SPSB4: variants seen among roughly 807,000 people sequenced by gnomAD.
SPSB4 encodes SPRY domain-containing SOCS box protein 4.
In SPSB4, 21 loss-of-function variants were observed where a neutral mutation model predicts 20.9. That is an observed-to-expected ratio of 1.01 (90% CI 0.71 to 1.45). The LOEUF (loss-of-function observed/expected upper bound fraction) is 1.45. Among genes scored for constraint, SPSB4 ranks in the 40% most tolerant of loss-of-function variants. The probability of loss-of-function intolerance (pLI) is 0.00; values close to 1 mark genes in which losing one functional copy is unlikely to be tolerated. For missense variants in SPSB4, 399 were observed against 399.2 expected (o/e 1.00, Z 0.00); for synonymous variants, 207 against 183.8 (o/e 1.13, Z -1.02).
chr3:141,123,739 C>A (rs1355515900), intron 2 of SPSB4, among the ~76,000 whole-genome samples: 2 of 152,210 alleles, frequency 1.3e-5, no homozygotes, highest in Non-Finnish European at 2.9e-5. Flanking sequence ...CTGGGTTGTT[C>A]CAGTGCTGCA....
chr3:141,143,097 T>C (rs961557922), intron 2 of SPSB4, among the ~76,000 whole-genome samples: 6 of 152,174 alleles, frequency 3.9e-5, no homozygotes, highest in African/African-American at 7.2e-5. Flanking sequence ...ATTACAGGTC[T>C]GAGCCACCAC....
Position 141,089,662 on chromosome 3 carries a change from G to C in SPSB4, c.694+22864G>C, listed in dbSNP as rs140967667. Among the ~76,000 whole-genome samples the C allele has an allele frequency of 1.7e-4, 26 of 152,338 alleles. No individual in the cohort carries two copies. In the East Asian group the frequency reaches 5.0e-3, roughly 29 times the overall value. The stretch of plus-strand genomic sequence containing the variant: ...TGAAGCATTTTATCAGATTTTCGCA[G>C]CCAGGCCTGTGCCAGCAGCCTCAGG... On this transcript the variant is annotated intron_variant, in intron 2 of 2. Coordinates refer to ENST00000310546, the MANE Select transcript of SPSB4 (RefSeq NM_080862.3).
chr3:141,140,714 G>T (rs562698805), intron 2 of SPSB4, among the ~76,000 whole-genome samples: 27 of 152,286 alleles, frequency 1.8e-4, no homozygotes, highest in African/African-American at 6.5e-4. Context: ...AGGAGTACCC[G>T]GCCGTGTGAG....
intron 2 of SPSB4, among the ~76,000 whole-genome samples, chr3:141,131,984 G>C (rs1020601960): frequency 1.3e-4 from 20 of 151,996 alleles, no homozygotes; most frequent in African/African-American, 4.6e-4. Flanking sequence ...TTTCATTTTA[G>C]TCATTCTTTT....
intron 1 of SPSB4, among the ~76,000 whole-genome samples, chr3:141,052,452 T>C (rs1159118958): frequency 6.6e-6 from 1 of 152,208 alleles, no homozygotes; most frequent in African/African-American, 2.4e-5. Context: ...CTCAATCATA[T>C]GTTAGCTAGT....
Position 141,066,813 on chromosome 3 carries a change from G to A in SPSB4, c.694+15G>A, listed in dbSNP as rs1415609901. 1.3e-6 allele frequency: 2 copies of A among 1,515,626 alleles called. No individual in the cohort carries two copies. The highest frequency in any genetic ancestry group is 1.8e-6 in the Non-Finnish European group (2 of 1,128,280). The allele number at this position is 1,515,626 out of a possible 1,614,324, so 93.9% of individuals were successfully genotyped here. On this transcript the variant is annotated intron_variant, in intron 2 of 2. Transcript: ENST00000310546. ...CGGCCTTGACCGTAAGTTGTGCTGGGCTGGGGGGCAGGGCTTTCAGAGGCT... is the reference window on the plus strand; with the variant it reads ...CGGCCTTGACCGTAAGTTGTGCTGGACTGGGGGGCAGGGCTTTCAGAGGCT...
chr3:141,052,449 ATATGTTAGCTAGTAT>A (rs1159697032), intron 1 of SPSB4, among the ~76,000 whole-genome samples: 1 of 152,144 alleles, frequency 6.6e-6, no homozygotes, highest in African/African-American at 2.4e-5. Context: ...ACACTCAATC[ATATGTTAGCTAGTAT>A]TATTATTAGC....
chr3:141,114,390 T>G (rs1938853006), intron 2 of SPSB4, among the ~76,000 whole-genome samples: 1 of 152,150 alleles, frequency 6.6e-6, no homozygotes, highest in South Asian at 2.1e-4. Flanking sequence ...TGGAACTAAC[T>G]CCTATGGGTA....
chr3:141,146,406 C>T (rs574517089), intron 2 of SPSB4, among the ~76,000 whole-genome samples: 4 of 152,258 alleles, frequency 2.6e-5, no homozygotes, highest in African/African-American at 9.6e-5. Flanking sequence ...AGAGGAAACC[C>T]CTCTGCAGAT....
Position 141,079,987 on chromosome 3 carries a change from T to A in SPSB4, c.694+13189T>A, listed in dbSNP as rs139048794. On this transcript the variant is annotated intron_variant, in intron 2 of 2. Coordinates refer to ENST00000310546, the MANE Select transcript of SPSB4 (RefSeq NM_080862.3). ...AGGGAGACACCAACATGTCTTTCCA[T>A]CTTTTAGACTTCAGTCATTCCACTA... Among the ~76,000 whole-genome samples the A allele has an allele frequency of 4.6e-4, 70 of 152,302 alleles. 3 individuals are homozygous for A. In the East Asian group the frequency reaches 0.014, roughly 29 times the overall value.
Position 141,147,307 on chromosome 3 carries a change from C to A in SPSB4, c.*38C>A, listed in dbSNP as rs368867536. On this transcript the variant is annotated 3_prime_UTR_variant, in exon 3 of 3. Transcript: ENST00000310546. ...GGGCAGCACAGACACAGACACACAC[C>A]GCAGGGCCCGACCCTCCTGTCATTC... is the stretch of plus-strand genomic sequence containing the variant. 6.2e-7 allele frequency: 1 copy of A among 1,611,388 alleles called. No homozygotes were observed. Among genetic ancestry groups the A allele is most frequent in the South Asian group, 1.1e-5 (1 of 90,846 alleles).
intron 2 of SPSB4, among the ~76,000 whole-genome samples, chr3:141,142,237 G>A (rs956138042): frequency 6.6e-6 from 1 of 152,164 alleles, no homozygotes; most frequent in East Asian, 1.9e-4. Flanking sequence ...TTTGTAAGTT[G>A]TGTCACTATT....
intron 2 of SPSB4, among the ~76,000 whole-genome samples, chr3:141,070,950 T>G (rs1035580451): frequency 6.6e-6 from 1 of 152,246 alleles, no homozygotes; most frequent in Non-Finnish European, 1.5e-5. Context: ...GGCCAGGTCC[T>G]TGCCTTCAGC....
chr3:141,126,836 T>C (rs1939056533), intron 2 of SPSB4, among the ~76,000 whole-genome samples: 1 of 152,210 alleles, frequency 6.6e-6, no homozygotes, highest in African/African-American at 2.4e-5. Context: ...TGGATCTGCC[T>C]CTGCTTTTGA....
intron 2 of SPSB4, among the ~76,000 whole-genome samples, chr3:141,097,044 C>T (rs779993274): frequency 1.1e-4 from 17 of 152,202 alleles, no homozygotes; most frequent in Non-Finnish European, 2.1e-4. Flanking sequence ...ATTCATCACC[C>T]TGAAATACCC....
chr3:141,088,131 C>G (rs950547503), intron 2 of SPSB4, among the ~76,000 whole-genome samples: 2 of 152,132 alleles, frequency 1.3e-5, no homozygotes, highest in African/African-American at 4.8e-5. Context: ...CTCCGTCCCC[C>G]AGGGCTCTCT....
At chr3:141,125,278 C>A (rs1008907800) in intron 2 of SPSB4, among the ~76,000 whole-genome samples, 12 of 152,104 alleles carry the variant, frequency 7.9e-5, no homozygotes, top group Non-Finnish European at 1.6e-4. Context: ...TTCTTTCTGC[C>A]TCTTTGGAAG....
chr3:141,052,392 T>G (rs1037457201), intron 1 of SPSB4, among the ~76,000 whole-genome samples: 3 of 152,198 alleles, frequency 2.0e-5, no homozygotes, highest in Non-Finnish European at 2.9e-5. Flanking sequence ...ATTGGAAAGA[T>G]CTATGGGATG....
intron 2 of SPSB4, among the ~76,000 whole-genome samples, chr3:141,078,945 CAG>C (rs1289139227): frequency 6.6e-6 from 1 of 152,194 alleles, no homozygotes; most frequent in Non-Finnish European, 1.5e-5. Context: ...CTGCATCACT[CAG>C]AGGCCACACG....
Sources: gnomAD v4.1 joint callset for allele counts (sites outside exome capture counted in the v4.1 genomes callset) on GRCh38, gnomAD v4.1.1 for gene constraint, MANE v1.5 for transcripts, NCBI Gene and HGNC (gene_info 2026-07-23, HGNC 2026-07-21) for gene names.